Variants in CYRIA observed in about 807,000 individuals in gnomAD.
The protein encoded by CYRIA is CYFIP-related Rac1 interactor A.
CYRIA carries 15 observed loss-of-function variants against 43.9 expected under a neutral mutation model. The observed-to-expected ratio is 0.34, with a 90% CI of 0.23 to 0.53. The LOEUF is 0.53. Ranked by LOEUF, CYRIA falls within the 20% of genes least tolerant of loss-of-function variation. The pLI is 0.94. For synonymous variants in CYRIA, 117 were observed against 136.0 expected (o/e 0.86, Z 0.97); for missense variants, 236 against 394.2 (o/e 0.60, Z 3.40).
chr2:16,584,812 C>A (rs1450909642), intron 3 of CYRIA, among the ~76,000 whole-genome samples: 1 of 152,184 alleles, frequency 6.6e-6, no homozygotes, highest in East Asian at 1.9e-4. Context: ...TGTAGAAAAA[C>A]CACTCATTCT....
intron 5 of CYRIA, 130 bp from the exon 6 acceptor site, chr2:16,562,271 G>T (rs1666765490): frequency 6.0e-6 from 6 of 1,001,368 alleles, no homozygotes; most frequent in Non-Finnish European, 8.5e-6. Context: ...ACTACGTGAG[G>T]TGTGCTGCAT....
At chr2:16,624,508 T>G (rs1465025120) in intron 1 of CYRIA, among the ~76,000 whole-genome samples, 1 of 152,198 alleles carries the variant, frequency 6.6e-6, no homozygotes, top group Non-Finnish European at 1.5e-5. Context: ...CTGTTTCTCA[T>G]TAGAAAAATA....
At chr2:16,562,582 C>A (rs978442550) in intron 5 of CYRIA, among the ~76,000 whole-genome samples, 18 of 152,292 alleles carry the variant, frequency 1.2e-4, no homozygotes, top group African/African-American at 3.6e-4. Flanking sequence ...CATCTACATT[C>A]TAACCTAATC....
chr2:16,642,016 G>A (rs1197183567), intron 1 of CYRIA, among the ~76,000 whole-genome samples: 6 of 152,102 alleles, frequency 3.9e-5, no homozygotes, highest in Non-Finnish European at 8.8e-5. Flanking sequence ...CTCTTTGGTT[G>A]CCTCTTTCTC....
chr2:16,651,203 G>C (rs1018983820), intron 1 of CYRIA, among the ~76,000 whole-genome samples: 3 of 152,122 alleles, frequency 2.0e-5, no homozygotes, highest in Non-Finnish European at 4.4e-5. Flanking sequence ...ACCCAAGCTA[G>C]GCTGACTTCT....
Position 16,604,535 on chromosome 2 carries a change from TCTGA to T in CYRIA, c.-10-16410_-10-16407del, listed in dbSNP as rs537768839. ...AACCCCGTTTACAACATGTACACCA[TCTGA>T]CTGTTTTGAATTACAAGCAAAACAA... is the stretch of plus-strand genomic sequence containing the variant. On this transcript the variant is annotated intron_variant, in intron 2 of 11. Transcript: ENST00000381323. 9.1e-4 allele frequency among the ~76,000 whole-genome samples: 138 copies of T among 152,366 alleles called. 1 individual carries two copies. The highest frequency in any genetic ancestry group is 1.6e-3 in the Non-Finnish European group (108 of 68,036).
At chr2:16,562,883 G>A (rs1206629422) in intron 5 of CYRIA, among the ~76,000 whole-genome samples, 1 of 129,382 alleles carries the variant, frequency 7.7e-6, no homozygotes, top group Non-Finnish European at 1.6e-5. Context: ...GCCTTTACAT[G>A]AGAGTGGCAG....
chr2:16,591,965 G>A (rs2103465304), intron 2 of CYRIA, among the ~76,000 whole-genome samples: 1 of 152,206 alleles, frequency 6.6e-6, no homozygotes. Flanking sequence ...TCCTACTTAT[G>A]TAGGACATAA....
At chr2:16,599,704 C>G (rs1247150520) in intron 2 of CYRIA, among the ~76,000 whole-genome samples, 4 of 151,902 alleles carry the variant, frequency 2.6e-5, no homozygotes, top group Admixed American at 2.6e-4. Context: ...GCGTCACTCA[C>G]GCTGGGAGCT....
Position 16,623,912 on chromosome 2 carries a change from T to A in CYRIA, c.-59A>T, listed in dbSNP as rs1019874379. On this transcript the variant is annotated 5_prime_UTR_variant, in exon 2 of 12. Coordinates refer to ENST00000381323, the MANE Select transcript of CYRIA (RefSeq NM_030797.4). ...GTTTCACCAATCCAGGCTGATGGGATGAACCAGCTTAGCTGCTGTCTGGCC... is the reference window on the plus strand; with the variant it reads ...GTTTCACCAATCCAGGCTGATGGGAAGAACCAGCTTAGCTGCTGTCTGGCC... The A allele has an allele frequency of 6.6e-6, 1 of 152,258 alleles. No homozygotes were observed. The highest frequency in any genetic ancestry group is 2.4e-5 in the African/African-American group (1 of 41,464). 9.4% of individuals were successfully genotyped at this position (152,258 alleles called of 1,614,324 possible). A position where few individuals can be genotyped will look rare whatever the true frequency, so the allele number is the denominator to read the frequency against.
At chr2:16,646,830 G>T (rs987074356) in intron 1 of CYRIA, among the ~76,000 whole-genome samples, 1 of 152,114 alleles carries the variant, frequency 6.6e-6, no homozygotes, top group Non-Finnish European at 1.5e-5. Context: ...TAAAGGGGGG[G>T]GATTTTCTCT....
At chr2:16,585,796 C>A (rs1667709247) in intron 3 of CYRIA, among the ~76,000 whole-genome samples, 1 of 152,126 alleles carries the variant, frequency 6.6e-6, no homozygotes. Context: ...CGCACAGAAG[C>A]ACCTCTCAAC....
intron 3 of CYRIA, among the ~76,000 whole-genome samples, chr2:16,573,913 C>T (rs868358709): frequency 1.1e-4 from 17 of 152,118 alleles, no homozygotes; most frequent in African/African-American, 4.1e-4. Context: ...GGTACCAGTA[C>T]AGTGCAGTGC....
chr2:16,559,623 G>T (rs372387280), intron 9 of CYRIA, 37 bp from the exon 10 acceptor site: 5 of 1,603,438 alleles, frequency 3.1e-6, no homozygotes, highest in Non-Finnish European at 4.3e-6. Flanking sequence ...TCACTTCCTT[G>T]TCAGAACATG....
chr2:16,584,103 A>G (rs1243136131), intron 3 of CYRIA, among the ~76,000 whole-genome samples: 1 of 152,146 alleles, frequency 6.6e-6, no homozygotes, highest in Non-Finnish European at 1.5e-5. Context: ...CTTCCTCCTT[A>G]ACTCTTTACA....
chr2:16,662,956 A>C (rs1670302336), intron 1 of CYRIA, among the ~76,000 whole-genome samples: 1 of 152,202 alleles, frequency 6.6e-6, no homozygotes, highest in African/African-American at 2.4e-5. Context: ...AGTTCCCAAA[A>C]CTGTATTTGG....
At chr2:16,560,477 T>A (rs1290781654) in intron 9 of CYRIA, among the ~76,000 whole-genome samples, 1 of 152,152 alleles carries the variant, frequency 6.6e-6, no homozygotes, top group African/African-American at 2.4e-5. Flanking sequence ...GAACTCAGAA[T>A]TTTGAGCACA....
chr2:16,580,075 GTA>G (rs1344559613), intron 3 of CYRIA, among the ~76,000 whole-genome samples: 1 of 151,920 alleles, frequency 6.6e-6, no homozygotes, highest in East Asian at 1.9e-4. Flanking sequence ...AGCCTCCTGA[GTA>G]GCTGGGACTA....
At chr2:16,626,044 T>C (rs1669153020) in intron 1 of CYRIA, among the ~76,000 whole-genome samples, 2 of 152,134 alleles carry the variant, frequency 1.3e-5, no homozygotes, top group African/African-American at 2.4e-5. Flanking sequence ...TGACTCCATT[T>C]ACTTACTGAG....
Sources: gnomAD v4.1 joint callset for allele counts (sites outside exome capture counted in the v4.1 genomes callset) on GRCh38, gnomAD v4.1.1 for gene constraint, MANE v1.5 for transcripts, NCBI Gene and HGNC (gene_info 2026-07-23, HGNC 2026-07-21) for gene names.